Variants in PTPRC observed in about 807,000 individuals in gnomAD.
PTPRC encodes the protein receptor-type tyrosine-protein phosphatase C.
In PTPRC, 44 loss-of-function variants were observed where a neutral mutation model predicts 155.9. That is an observed-to-expected ratio of 0.28 (90% CI 0.22 to 0.36). The LOEUF is 0.36. PTPRC is among the 10% of genes least tolerant of loss of function. PTPRC has a pLI of 1.00. For missense variants in PTPRC, 1,401 were observed against 1,564.6 expected (o/e 0.90, Z 1.76); for synonymous variants, 525 against 533.1 (o/e 0.98, Z 0.21).
At chr1:198,740,183 G>T (rs1276985294) in intron 23 of PTPRC, among the ~76,000 whole-genome samples, 1 of 151,600 alleles carries the variant, frequency 6.6e-6, no homozygotes, top group Non-Finnish European at 1.5e-5. Flanking sequence ...AAACTGAACT[G>T]TAAATTAGAA....
At chr1:198,734,891 C>G (rs1349393356) in intron 22 of PTPRC, among the ~76,000 whole-genome samples, 1 of 151,646 alleles carries the variant, frequency 6.6e-6, no homozygotes, top group African/African-American at 2.4e-5. Context: ...TAACATGCAT[C>G]TAAGCCTGGA....
chr1:198,673,490 G>C (rs950182557), intron 2 of PTPRC, among the ~76,000 whole-genome samples: 3 of 152,084 alleles, frequency 2.0e-5, no homozygotes, highest in African/African-American at 7.2e-5. Flanking sequence ...ATATGACCTA[G>C]TATAACGCAT....
intron 2 of PTPRC, among the ~76,000 whole-genome samples, chr1:198,678,824 T>C (rs189052948): frequency 0.01 from 1,577 of 151,824 alleles, 9 homozygotes; most frequent in Admixed American, 0.012. Flanking sequence ...GGTCTTTTTT[T>C]CCCCCCCAGT....
In PTPRC at chr1:198,732,564, A is replaced by C; in HGVS notation, c.2142+8A>C. 2.5e-6 allele frequency: 4 copies of C among 1,601,494 alleles called. No individual in the cohort carries two copies. Among genetic ancestry groups the C allele is most frequent in the Non-Finnish European group, 3.4e-6 (4 of 1,171,454 alleles). ...AATGCCAGCTATATTGATGTGAGTAAAAATTTGCATTTTTCTTATACCTAC... is the reference window on the plus strand; with the variant it reads ...AATGCCAGCTATATTGATGTGAGTACAAATTTGCATTTTTCTTATACCTAC... On this transcript the variant is annotated splice_region_variant and intron_variant, in intron 20 of 32. Coordinates refer to ENST00000442510, the MANE Select transcript of PTPRC (RefSeq NM_002838.5).
At chr1:198,732,681 CA>C (rs982278873) in intron 20 of PTPRC, 125 bp downstream of exon 20, 3 of 716,634 alleles carry the variant, frequency 4.2e-6, no homozygotes, top group Non-Finnish European at 7.1e-6. Flanking sequence ...CTGATATAAA[CA>C]AAAAATTATC....
intron 10 of PTPRC, among the ~76,000 whole-genome samples, chr1:198,708,627 T>C (rs947216818): frequency 2.0e-5 from 3 of 152,176 alleles, no homozygotes; most frequent in African/African-American, 7.2e-5. Flanking sequence ...AACTCTGTTA[T>C]GAAGTAAGGA....
intron 2 of PTPRC, among the ~76,000 whole-genome samples, chr1:198,675,211 C>T (rs910513921): frequency 6.6e-6 from 1 of 151,958 alleles, no homozygotes; most frequent in African/African-American, 2.4e-5. Context: ...AAACATTTTA[C>T]TAGAATAATA....
At chr1:198,648,719 A>G (rs949658001) in intron 2 of PTPRC, among the ~76,000 whole-genome samples, 1 of 151,858 alleles carries the variant, frequency 6.6e-6, no homozygotes. Context: ...ACAAAAAGAC[A>G]TCTTTGATTA....
At chr1:198,696,678 T>C in intron 3 of PTPRC, 34 bp from the exon 4 acceptor site, 1 of 1,552,574 alleles carries the variant, frequency 6.4e-7, no homozygotes, top group Non-Finnish European at 8.9e-7. Context: ...CACATATTTA[T>C]TTTGTCCTTC....
intron 5 of PTPRC, among the ~76,000 whole-genome samples, chr1:198,700,837 T>C (rs898413387): frequency 6.6e-6 from 1 of 151,286 alleles, no homozygotes; most frequent in Non-Finnish European, 1.5e-5. Context: ...CCACTGAGAG[T>C]ACCTACATAA....
intron 3 of PTPRC, among the ~76,000 whole-genome samples, chr1:198,693,562 A>G (rs936913257): frequency 6.6e-6 from 1 of 152,110 alleles, no homozygotes; most frequent in Non-Finnish European, 1.5e-5. Context: ...CTCTGAATTG[A>G]CTCTATTATG....
In PTPRC at chr1:198,752,522, A is replaced by T. The variant is rs149409109; in HGVS notation, c.3331-72A>T. 38,316 of 1,539,174 alleles carry T rather than the reference A, an allele frequency of 0.025. 589 individuals are homozygous for T. Among genetic ancestry groups the T allele is most frequent in the South Asian group, 0.036 (3,190 of 87,856 alleles). On this transcript the variant is annotated intron_variant, in intron 30 of 32. Coordinates refer to ENST00000442510, the MANE Select transcript of PTPRC (RefSeq NM_002838.5). Reference sequence around the variant, plus strand: ...ATTTAAATAGAAGTAACTGTGAAGAAAATATGACTATCAAATTAGAAAATA... The same window carrying T: ...ATTTAAATAGAAGTAACTGTGAAGATAATATGACTATCAAATTAGAAAATA...
At chr1:198,747,908 C>T (rs1487782002) in intron 26 of PTPRC, among the ~76,000 whole-genome samples, 1 of 151,752 alleles carries the variant, frequency 6.6e-6, no homozygotes, top group African/African-American at 2.4e-5. Flanking sequence ...TTAGTGCATA[C>T]TAGCCCTGTC....
At chr1:198,696,611 A>G (rs1666215127) in intron 3 of PTPRC, 101 bp from the exon 4 acceptor site, 1 of 943,608 alleles carries the variant, frequency 1.1e-6, no homozygotes. Context: ...GTACATACAC[A>G]CTATAGTGGA....
intron 26 of PTPRC, among the ~76,000 whole-genome samples, chr1:198,747,887 C>T (rs1655205927): frequency 1.3e-5 from 2 of 151,764 alleles, no homozygotes; most frequent in Admixed American, 1.3e-4. Context: ...TAGTCTGTTA[C>T]ATATATATCT....
intron 2 of PTPRC, among the ~76,000 whole-genome samples, chr1:198,677,450 TG>T (rs1157625339): frequency 1.3e-5 from 2 of 152,202 alleles, no homozygotes; most frequent in African/African-American, 4.8e-5. Flanking sequence ...TTCTCAATGT[TG>T]GGCCACATTG....
chr1:198,643,028 A>G (rs1270220639), intron 2 of PTPRC, among the ~76,000 whole-genome samples: 1 of 149,250 alleles, frequency 6.7e-6, no homozygotes, highest in Non-Finnish European at 1.5e-5. Context: ...GGTAGTTTTA[A>G]CACCCACCTC....
chr1:198,643,909 G>A (rs765589682), intron 2 of PTPRC, among the ~76,000 whole-genome samples: 3 of 151,908 alleles, frequency 2.0e-5, no homozygotes, highest in Non-Finnish European at 4.4e-5. Flanking sequence ...TTATTTGCAC[G>A]ACAAAAGTTT....
chr1:198,750,911 G>A (rs1323235189), intron 29 of PTPRC, among the ~76,000 whole-genome samples: 1 of 151,884 alleles, frequency 6.6e-6, no homozygotes, highest in African/African-American at 2.4e-5. Flanking sequence ...ACATTTTCAC[G>A]CTGTTTTCCT....
Sources: gnomAD v4.1 joint callset for allele counts (sites outside exome capture counted in the v4.1 genomes callset) on GRCh38, gnomAD v4.1.1 for gene constraint, MANE v1.5 for transcripts, NCBI Gene and HGNC (gene_info 2026-07-23, HGNC 2026-07-21) for gene names.